The following RTF2 variants were observed in gnomAD, a reference collection of about 807,000 sequenced individuals.
RTF2 encodes the protein UPF0549 protein C20orf43.
RTF2 carries 18 observed loss-of-function variants against 38.0 expected under a neutral mutation model. The observed-to-expected ratio is 0.47, with a 90% confidence interval of 0.33 to 0.70. The LOEUF (loss-of-function observed/expected upper bound fraction) is 0.70, where lower values mean the gene tolerates loss of function less well. Ranked by LOEUF, RTF2 falls within the 30% of genes least tolerant of loss-of-function variation. The pLI, the probability that RTF2 is intolerant of heterozygous loss-of-function variation, is 0.02. For synonymous variants in RTF2, 126 were observed against 137.1 expected, an observed-to-expected ratio of 0.92 and a Z score of 0.57; for missense variants, 311 against 379.6, an observed-to-expected ratio of 0.82 and a Z score of 1.50.
chr20:56,476,878 G>C (rs1982273420), intron 3 of RTF2, 107 bp from the exon 4 acceptor site: 1 of 1,030,142 alleles, frequency 9.7e-7, no homozygotes, highest in African/African-American at 1.6e-5. Context: ...GTGAGGGAGA[G>C]GTTTTGATGG....
At chr20:56,498,485 C>T (rs1321378063) in intron 5 of RTF2, among the ~76,000 whole-genome samples, 2 of 149,694 alleles carry the variant, frequency 1.3e-5, no homozygotes, top group Non-Finnish European at 3.0e-5. Context: ...AGAGTGAGAC[C>T]GTGTCTCCCA....
intron 4 of RTF2, among the ~76,000 whole-genome samples, chr20:56,481,457 A>T (rs534034545): frequency 4.4e-4 from 67 of 152,324 alleles, no homozygotes; most frequent in South Asian, 3.1e-3. Flanking sequence ...GCTTTTAAAT[A>T]TTACACTCTT....
intron 6 of RTF2, chr20:56,514,251 T>C (rs917567191): frequency 6.6e-6 from 1 of 152,034 alleles, no homozygotes; most frequent in Non-Finnish European, 1.5e-5. Context: ...AGTTCTTCCA[T>C]GCGCTGGTGA....
At chr20:56,492,757 C>T (rs1983242144) in intron 5 of RTF2, among the ~76,000 whole-genome samples, 1 of 151,942 alleles carries the variant, frequency 6.6e-6, no homozygotes. Flanking sequence ...AACAGATTAG[C>T]GAAGTGAGGC....
chr20:56,499,876 A>C (rs139353010), intron 5 of RTF2, among the ~76,000 whole-genome samples: 3 of 151,502 alleles, frequency 2.0e-5, no homozygotes, highest in African/African-American at 7.3e-5. Flanking sequence ...AGCTGGGATT[A>C]CAGGCATGTG....
chr20:56,485,430 C>A (rs1461511716), intron 5 of RTF2, among the ~76,000 whole-genome samples: 1 of 152,160 alleles, frequency 6.6e-6, no homozygotes, highest in African/African-American at 2.4e-5. Context: ...GGGGGCCACA[C>A]TGGGGCTTAT....
At chr20:56,512,136 C>T (rs147127635) in intron 5 of RTF2, among the ~76,000 whole-genome samples, 61 of 152,218 alleles carry the variant, frequency 4.0e-4, no homozygotes, top group Middle Eastern at 3.4e-3. Context: ...CATAAGCCAC[C>T]GCGCCCAGTC....
chr20:56,487,071 G>T (rs1167516022), intron 5 of RTF2, among the ~76,000 whole-genome samples: 1 of 152,186 alleles, frequency 6.6e-6, no homozygotes, highest in African/African-American at 2.4e-5. Flanking sequence ...GGGACCTACT[G>T]ATCTAAAGCA....
intron 2 of RTF2, 144 bp from the exon 3 acceptor site, chr20:56,474,534 C>A: frequency 1.9e-6 from 1 of 518,102 alleles, no homozygotes; most frequent in Non-Finnish European, 3.4e-6. Context: ...ATAGTTGAAA[C>A]AGGGTTAAAT....
chr20:56,518,529 G>C lies in RTF2; in HGVS notation c.*264G>C, dbSNP rs1985202749. ...ATTTGGTCCTTTCCATGGCCAGGAA[G>C]CCCTGTGGGCTGCACTTTTTATGCT... On this transcript the variant is annotated 3_prime_UTR_variant, in exon 9 of 9. Coordinates refer to ENST00000357348, the MANE Select transcript of RTF2 (RefSeq NM_016407.5). 3 of 352,766 alleles carry C rather than the reference G, an allele frequency of 8.5e-6. No homozygotes were observed. Among genetic ancestry groups the C allele is most frequent in the Non-Finnish European group, 1.5e-5 (3 of 196,938 alleles). 21.9% of individuals were successfully genotyped at this position (352,766 alleles called of 1,614,324 possible). A position where few individuals can be genotyped will look rare whatever the true frequency, so the allele number is the denominator to read the frequency against.
At chr20:56,502,397 G>A (rs1257775071) in intron 5 of RTF2, among the ~76,000 whole-genome samples, 2 of 151,928 alleles carry the variant, frequency 1.3e-5, no homozygotes, top group East Asian at 1.9e-4. Context: ...TTCCTCTCCC[G>A]ACTCCCAACA....
intron 5 of RTF2, chr20:56,497,712 C>T (rs1687098344): frequency 2.4e-6 from 2 of 845,230 alleles, no homozygotes; most frequent in Non-Finnish European, 1.6e-6. Flanking sequence ...TAATTCTCCC[C>T]CCCAACTTTA....
intron 5 of RTF2, among the ~76,000 whole-genome samples, chr20:56,494,830 G>C (rs1983406311): frequency 6.6e-6 from 1 of 152,144 alleles, no homozygotes; most frequent in Non-Finnish European, 1.5e-5. Context: ...CTAGTCTACT[G>C]TATTCAAACC....
intron 5 of RTF2, chr20:56,491,646 G>A (rs1983140427): frequency 1.9e-6 from 3 of 1,551,886 alleles, no homozygotes; most frequent in Non-Finnish European, 2.6e-6. Flanking sequence ...AGCACTTGAA[G>A]TCTGTGCCGC....
At chr20:56,472,854 C>T (rs1982042769) in intron 1 of RTF2, among the ~76,000 whole-genome samples, 1 of 152,146 alleles carries the variant, frequency 6.6e-6, no homozygotes, top group Admixed American at 6.5e-5. Flanking sequence ...AAAATCCTGA[C>T]TTCAGCCAGG....
At position 56,513,416 on chromosome 20, in the gene RTF2, G is replaced by A. The variant is rs367833190; in HGVS notation, c.579G>A (p.Ala193=). Residue 193 remains alanine (A), a synonymous_variant, in exon 6 of 9, where the codon GCG becomes GCA. Coordinates refer to ENST00000357348, the MANE Select transcript of RTF2 (RefSeq NM_016407.5). ...GGATGGAGGAGAGAAGGCTGAGAGC[G>A]AAGCTGGAAAAGGTAATGGGAGTCT... The part of the protein sequence containing the change: ...KTRMEERRLR[A]KLEKKTKKPK... 104 of 1,596,558 alleles carry A rather than the reference G, an allele frequency of 6.5e-5. No homozygotes were observed. The highest frequency in any genetic ancestry group is 8.2e-5 in the Non-Finnish European group (96 of 1,172,102).
chr20:56,514,446 C>T (rs1311708192), intron 6 of RTF2: 1 of 152,076 alleles, frequency 6.6e-6, no homozygotes, highest in African/African-American at 2.4e-5. Flanking sequence ...AGAAAATTAG[C>T]TCCAGTAGGC....
At chr20:56,500,812 A>C (rs1347036823) in intron 5 of RTF2, among the ~76,000 whole-genome samples, 1 of 151,684 alleles carries the variant, frequency 6.6e-6, no homozygotes, top group African/African-American at 2.4e-5. Context: ...ACAAGGCCTC[A>C]CTCTTATCAC....
chr20:56,497,230 G>T, intron 5 of RTF2: 1 of 1,551,858 alleles, frequency 6.4e-7, no homozygotes, highest in Non-Finnish European at 8.7e-7. Context: ...GCTCTGAGAA[G>T]CTGCACAAAC....
Sources: allele counts gnomAD v4.1 joint callset (sites outside exome capture counted in the v4.1 genomes callset), GRCh38; gene constraint gnomAD v4.1.1; transcripts MANE v1.5; gene names NCBI Gene and HGNC (gene_info 2026-07-23, HGNC 2026-07-21).